The following SERINC5 variants were observed in gnomAD, a reference collection of about 807,000 sequenced individuals.
SERINC5 encodes the protein chromosome 5 open reading frame 12.
SERINC5 carries 41 observed loss-of-function variants against 63.1 expected under a neutral mutation model. The ratio of observed to expected loss-of-function variants is 0.65; its 90% CI spans 0.51 to 0.84. The LOEUF (loss-of-function observed/expected upper bound fraction) is 0.84. Among genes scored for constraint, SERINC5 ranks in the 40% least tolerant of loss-of-function variants. SERINC5 has a pLI of 0.00. For synonymous variants in SERINC5, 222 were observed against 215.2 expected (o/e 1.03, Z -0.28); for missense variants, 523 against 573.0 (o/e 0.91, Z 0.89).
In SERINC5 at chr5:80,206,260, A is replaced by G. The variant is rs114379279; in HGVS notation, c.28-3207T>C. The stretch of plus-strand genomic sequence containing the variant: ...GACTCTGCAAGGCTTCAAAACAAGC[A>G]TCAATTAGAATGCTACACCATAAAC... On this transcript the variant is annotated intron_variant, in intron 1 of 11. Coordinates refer to ENST00000507668, the MANE Select transcript of SERINC5 (RefSeq NM_001174072.3). Among the ~76,000 whole-genome samples the G allele has an allele frequency of 6.6e-3, 1,013 of 152,364 alleles. 6 individuals carry two copies. Among genetic ancestry groups the G allele is most frequent in the South Asian group, 0.014 (70 of 4,832 alleles).
chr5:80,171,317 GATAATA>G (rs754721108), intron 5 of SERINC5, among the ~76,000 whole-genome samples: 2 of 152,030 alleles, frequency 1.3e-5, no homozygotes, highest in Non-Finnish European at 2.9e-5. Flanking sequence ...CTAAATGTTT[GATAATA>G]ATAATAAATA....
At chr5:80,159,067 T>TTA (rs1746721284) in intron 7 of SERINC5, 105 bp from the exon 8 acceptor site, 3 of 1,111,630 alleles carry the variant, frequency 2.7e-6, no homozygotes, top group Non-Finnish European at 4.0e-6. Context: ...TGTACCTCCT[T>TTA]AGAACAGTGA....
intron 1 of SERINC5, among the ~76,000 whole-genome samples, chr5:80,233,834 CAG>C (rs752039612): frequency 3.9e-5 from 4 of 101,784 alleles, no homozygotes; most frequent in East Asian, 3.0e-4. Context: ...TTTTTTGAGA[CAG>C]AGTCTCACTC....
chr5:80,230,617 C>G (rs2112563696), intron 1 of SERINC5, among the ~76,000 whole-genome samples: 1 of 152,232 alleles, frequency 6.6e-6, no homozygotes, highest in Non-Finnish European at 1.5e-5. Context: ...CCGTCACAGA[C>G]TCTGTGACAC....
Position 80,140,711 on chromosome 5 carries a change from T to A in SERINC5, c.*2952A>T. 2.0e-6 allele frequency: 2 copies of A among 985,198 alleles called. No homozygotes were observed. Among genetic ancestry groups the A allele is most frequent in the Non-Finnish European group, 2.4e-6 (2 of 829,868 alleles). The allele number at this position is 985,198 out of a possible 1,614,324, so 61.0% of individuals were successfully genotyped here. A position where few individuals can be genotyped will look rare whatever the true frequency, so the allele number is the denominator to read the frequency against. ...CAGGTAACATGCCGCGGTATGACAC[T>A]CCCATAAGAACCCCCACCCCCCTGC... is the stretch of plus-strand genomic sequence containing the variant. On this transcript the variant is annotated 3_prime_UTR_variant, in exon 12 of 12. Coordinates refer to ENST00000507668, the MANE Select transcript of SERINC5 (RefSeq NM_001174072.3).
intron 1 of SERINC5, among the ~76,000 whole-genome samples, chr5:80,245,301 A>G (rs1328854694): frequency 6.6e-6 from 1 of 152,220 alleles, no homozygotes; most frequent in Non-Finnish European, 1.5e-5. Flanking sequence ...GCAGGATTGC[A>G]TGGATCTCTA....
intron 2 of SERINC5, among the ~76,000 whole-genome samples, chr5:80,201,581 TC>T (rs1411977012): frequency 9.2e-5 from 14 of 152,232 alleles, no homozygotes; most frequent in African/African-American, 3.4e-4. Flanking sequence ...GACATCTTAG[TC>T]TTTTTTGTCA....
intron 11 of SERINC5, among the ~76,000 whole-genome samples, chr5:80,120,778 C>T (rs1332559702): frequency 6.6e-6 from 1 of 152,124 alleles, no homozygotes; most frequent in Non-Finnish European, 1.5e-5. Flanking sequence ...TCAGGCTGCA[C>T]TCCAGCCTGG....
At chr5:80,221,013 G>A (rs1750876148) in intron 1 of SERINC5, among the ~76,000 whole-genome samples, 1 of 152,110 alleles carries the variant, frequency 6.6e-6, no homozygotes, top group Non-Finnish European at 1.5e-5. Context: ...AAACAGGTCA[G>A]CCCTGAGCAG....
At chr5:80,175,653 G>T (rs1747978494) in intron 4 of SERINC5, among the ~76,000 whole-genome samples, 1 of 151,664 alleles carries the variant, frequency 6.6e-6, no homozygotes, top group African/African-American at 2.4e-5. Flanking sequence ...GGGATCACTT[G>T]AGGTCAGGAG....
At chr5:80,249,943 T>C (rs905732544) in intron 1 of SERINC5, among the ~76,000 whole-genome samples, 17 of 152,204 alleles carry the variant, frequency 1.1e-4, no homozygotes, top group Non-Finnish European at 2.1e-4. Flanking sequence ...CAAAAAAGTA[T>C]CATCATGGAA....
At chr5:80,212,732 G>T in intron 1 of SERINC5, among the ~76,000 whole-genome samples, 1 of 151,692 alleles carries the variant, frequency 6.6e-6, no homozygotes, top group Non-Finnish European at 1.5e-5. Context: ...TTTATTGATA[G>T]CTATGCAATG....
rs953013105 is a variant in SERINC5, at chr5:80,238,176, C to A, written c.27+17720G>T. 5.9e-5 allele frequency among the ~76,000 whole-genome samples: 9 copies of A among 151,938 alleles called. No individual in the cohort carries two copies. The South Asian group carries it at 8.3e-4, about 14-fold the overall frequency. On this transcript the variant is annotated intron_variant, in intron 1 of 11. Transcript: ENST00000507668. ...GTGGCAACCCTCATTCCTCCCCGCCCCCCATCATAAGGAAATAATTTACAG... is the reference window on the plus strand; with the variant it reads ...GTGGCAACCCTCATTCCTCCCCGCCACCCATCATAAGGAAATAATTTACAG...
chr5:80,190,343 C>A (rs1749104993), intron 2 of SERINC5, among the ~76,000 whole-genome samples: 1 of 152,070 alleles, frequency 6.6e-6, no homozygotes, highest in Non-Finnish European at 1.5e-5. Context: ...GAACTCTTGG[C>A]TCAAGTGATC....
At chr5:80,224,290 A>C (rs1021867153) in intron 1 of SERINC5, among the ~76,000 whole-genome samples, 1 of 152,100 alleles carries the variant, frequency 6.6e-6, no homozygotes, top group Non-Finnish European at 1.5e-5. Flanking sequence ...CACCCTGGGC[A>C]AAGTGGCAAA....
intron 2 of SERINC5, among the ~76,000 whole-genome samples, chr5:80,201,610 G>A (rs958416691): frequency 2.6e-5 from 4 of 152,298 alleles, no homozygotes; most frequent in East Asian, 3.9e-4. Context: ...TAGAACCTAG[G>A]AGACAAAGTG....
At chr5:80,244,464 C>A (rs373919816) in intron 1 of SERINC5, among the ~76,000 whole-genome samples, 1 of 152,006 alleles carries the variant, frequency 6.6e-6, no homozygotes, top group Non-Finnish European at 1.5e-5. Context: ...GATACGCTGC[C>A]TCAGCCCCCC....
intron 1 of SERINC5, among the ~76,000 whole-genome samples, chr5:80,205,906 T>C (rs1750130963): frequency 7.8e-6 from 1 of 127,574 alleles, no homozygotes; most frequent in Non-Finnish European, 1.7e-5. Context: ...ACCTCGTCTC[T>C]ACTAAATACA....
chr5:80,147,525 G>C (rs538200044), intron 9 of SERINC5, among the ~76,000 whole-genome samples: 1 of 152,242 alleles, frequency 6.6e-6, no homozygotes, highest in South Asian at 2.1e-4. Context: ...GCAGAGCCTC[G>C]AGACAGGAGC....
Sources: allele counts gnomAD v4.1 joint callset (sites outside exome capture counted in the v4.1 genomes callset), GRCh38; gene constraint gnomAD v4.1.1; transcripts MANE v1.5; gene names NCBI Gene and HGNC (gene_info 2026-07-23, HGNC 2026-07-21).